The following DEUP1 variants were observed in gnomAD, a reference collection of about 807,000 sequenced individuals.
DEUP1 encodes coiled-coil domain containing 67.
A neutral mutation model predicts 87.4 loss-of-function variants in DEUP1; 82 were observed. The ratio of observed to expected loss-of-function variants is 0.94; its 90% CI spans 0.78 to 1.13. The LOEUF is 1.13. Ranked by LOEUF, DEUP1 falls within the 50% of genes most tolerant of loss-of-function variation. The probability of loss-of-function intolerance (pLI) is 0.00; values close to 1 mark genes in which losing one functional copy is unlikely to be tolerated. For synonymous variants in DEUP1, 214 were observed against 222.7 expected (o/e 0.96, Z 0.35); for missense variants, 663 against 681.5 (o/e 0.97, Z 0.30).
At chr11:93,397,924 AT>A (rs1946988968) in intron 11 of DEUP1, among the ~76,000 whole-genome samples, 1 of 152,040 alleles carries the variant, frequency 6.6e-6, no homozygotes, top group Non-Finnish European at 1.5e-5. Context: ...GATATACATA[AT>A]TTTTTATAAA....
intron 8 of DEUP1, among the ~76,000 whole-genome samples, chr11:93,386,918 T>C (rs1250720503): frequency 2.0e-5 from 3 of 152,194 alleles, no homozygotes; most frequent in Non-Finnish European, 4.4e-5. Context: ...TGAAGAGCAT[T>C]GTAGGTACTT....
At chr11:93,373,571 A>G (rs892747943) in intron 7 of DEUP1, among the ~76,000 whole-genome samples, 5 of 145,970 alleles carry the variant, frequency 3.4e-5, no homozygotes, top group African/African-American at 1.3e-4. Flanking sequence ...TGTAGTATTC[A>G]TATATATATA....
chr11:93,404,668 TC>T (rs1266876065), intron 11 of DEUP1, among the ~76,000 whole-genome samples: 2 of 152,062 alleles, frequency 1.3e-5, no homozygotes, highest in Non-Finnish European at 2.9e-5. Context: ...GCCAGCCTCA[TC>T]CTAATCTGTT....
intron 13 of DEUP1, among the ~76,000 whole-genome samples, chr11:93,418,068 C>T (rs1272219115): frequency 1.3e-5 from 2 of 152,036 alleles, no homozygotes; most frequent in African/African-American, 4.8e-5. Flanking sequence ...GACCTAAAAC[C>T]ATAAAAACTG....
chr11:93,391,474 C>T (rs977497301), intron 9 of DEUP1, among the ~76,000 whole-genome samples: 12 of 152,022 alleles, frequency 7.9e-5, no homozygotes, highest in African/African-American at 2.4e-4. Context: ...CTTTGGGAGG[C>T]CAAGGTGGGC....
At chr11:93,393,857 G>C (rs1946849592) in intron 9 of DEUP1, among the ~76,000 whole-genome samples, 1 of 152,178 alleles carries the variant, frequency 6.6e-6, no homozygotes, top group African/African-American at 2.4e-5. Context: ...CAAGGGTGGA[G>C]AGGAGTCAGA....
chr11:93,416,110 G>A (rs910484436), intron 13 of DEUP1, among the ~76,000 whole-genome samples: 3 of 152,140 alleles, frequency 2.0e-5, no homozygotes, highest in Admixed American at 1.3e-4. Context: ...ATCTCAAGTA[G>A]CGTATAAGAG....
chr11:93,416,130 C>A (rs1337860381), intron 13 of DEUP1, among the ~76,000 whole-genome samples: 1 of 151,806 alleles, frequency 6.6e-6, no homozygotes, highest in Non-Finnish European at 1.5e-5. Flanking sequence ...GTTGTCCTTG[C>A]TCAGAGCAAA....
intron 13 of DEUP1, among the ~76,000 whole-genome samples, chr11:93,419,182 T>TA (rs1432654566): frequency 9.6e-5 from 11 of 115,080 alleles, no homozygotes; most frequent in African/African-American, 3.8e-4. Context: ...TAAAGTATAA[T>TA]AATAAAAAAA....
chr11:93,389,528 A>T (rs889076554), intron 9 of DEUP1, among the ~76,000 whole-genome samples: 3 of 145,216 alleles, frequency 2.1e-5, no homozygotes, highest in Non-Finnish European at 4.6e-5. Flanking sequence ...TGTGATGAGG[A>T]TTAAATGAGT....
rs772239014 is a variant in DEUP1, at chr11:93,332,249, A to G, written c.-11A>G. 16 of 1,606,440 alleles carry G rather than the reference A, an allele frequency of 1.0e-5. No individual in the cohort carries two copies. The highest frequency in any genetic ancestry group is 1.4e-5 in the Non-Finnish European group (16 of 1,175,416). ...TCAAGAAATATAAACCAGATGTAGC[A>G]GTTTCTTGACATGGAGAACCAAGCC... On this transcript the variant is annotated 5_prime_UTR_variant, in exon 2 of 14. Transcript: ENST00000298050.
At chr11:93,401,928 C>G (rs985013928) in intron 11 of DEUP1, among the ~76,000 whole-genome samples, 1 of 151,836 alleles carries the variant, frequency 6.6e-6, no homozygotes, top group Non-Finnish European at 1.5e-5. Flanking sequence ...GGGAAATACT[C>G]CATGACTTTA....
intron 13 of DEUP1, among the ~76,000 whole-genome samples, chr11:93,431,242 A>T (rs889414734): frequency 1.3e-5 from 2 of 152,156 alleles, no homozygotes; most frequent in Non-Finnish European, 2.9e-5. Context: ...ATCATTGAGA[A>T]AGGGAAATTT....
At chr11:93,391,778 G>A (rs1478457945) in intron 9 of DEUP1, among the ~76,000 whole-genome samples, 2 of 151,204 alleles carry the variant, frequency 1.3e-5, no homozygotes, top group African/African-American at 4.9e-5. Flanking sequence ...GATGCGATCA[G>A]CAAAATCCAT....
intron 13 of DEUP1, among the ~76,000 whole-genome samples, chr11:93,418,666 G>A (rs1947738981): frequency 1.3e-5 from 2 of 151,908 alleles, no homozygotes; most frequent in Admixed American, 1.3e-4. Flanking sequence ...ATTTGACCCA[G>A]CCATCCCATT....
intron 12 of DEUP1, among the ~76,000 whole-genome samples, chr11:93,410,246 C>G (rs989286372): frequency 2.0e-5 from 3 of 152,238 alleles, no homozygotes; most frequent in Middle Eastern, 3.4e-3. Context: ...GGAGGACTGA[C>G]TGCCATCCCT....
At chr11:93,359,352 T>C (rs980440765) in intron 4 of DEUP1, among the ~76,000 whole-genome samples, 1 of 144,358 alleles carries the variant, frequency 6.9e-6, no homozygotes, top group Non-Finnish European at 1.5e-5. Context: ...AAAGGAGTTA[T>C]TTTTTTTCCT....
intron 2 of DEUP1, among the ~76,000 whole-genome samples, chr11:93,344,639 G>C (rs1214125519): frequency 1.3e-5 from 2 of 151,962 alleles, no homozygotes; most frequent in African/African-American, 2.4e-5. Flanking sequence ...TTGTTTAAAT[G>C]TAGCATTTAA....
At chr11:93,376,541 A>G (rs1946051308) in intron 7 of DEUP1, among the ~76,000 whole-genome samples, 1 of 152,060 alleles carries the variant, frequency 6.6e-6, no homozygotes, top group Non-Finnish European at 1.5e-5. Context: ...CTAATGGTCT[A>G]TTGATTTCAT....
Sources: gnomAD v4.1 joint callset for allele counts (sites outside exome capture counted in the v4.1 genomes callset) on GRCh38, gnomAD v4.1.1 for gene constraint, MANE v1.5 for transcripts, NCBI Gene and HGNC (gene_info 2026-07-23, HGNC 2026-07-21) for gene names.